ZHX3: variants seen among roughly 807,000 people sequenced by gnomAD.
ZHX3 encodes zinc fingers and homeoboxes protein 3.
A neutral mutation model predicts 64.5 loss-of-function variants in ZHX3; 20 were observed. The observed-to-expected ratio is 0.31, with a 90% CI of 0.22 to 0.45. The LOEUF (loss-of-function observed/expected upper bound fraction) is 0.45. ZHX3 is among the 20% of genes least tolerant of loss of function. The pLI, the probability that ZHX3 is intolerant of heterozygous loss-of-function variation, is 1.00. For synonymous variants in ZHX3, 423 were observed against 461.6 expected (o/e 0.92, Z 1.07); for missense variants, 1,041 against 1,195.8 (o/e 0.87, Z 1.91).
At chr20:41,267,945 GCCAC>G (rs2042943695) in intron 2 of ZHX3, among the ~76,000 whole-genome samples, 2 of 152,150 alleles carry the variant, frequency 1.3e-5, no homozygotes, top group Non-Finnish European at 2.9e-5. Context: ...GATATATAAA[GCCAC>G]TAAACAGTTT....
intron 1 of ZHX3, among the ~76,000 whole-genome samples, chr20:41,281,713 A>G (rs993350972): frequency 5.9e-5 from 9 of 152,226 alleles, no homozygotes; most frequent in African/African-American, 2.2e-4. Flanking sequence ...CGAGCACAAC[A>G]TGAGGTTAAT....
At chr20:41,286,979 G>T (rs563155307) in intron 1 of ZHX3, among the ~76,000 whole-genome samples, 59 of 152,168 alleles carry the variant, frequency 3.9e-4, no homozygotes, top group African/African-American at 1.4e-3. Flanking sequence ...ACTGTAAGTT[G>T]AGGCCTCATC....
In ZHX3 at chr20:41,278,401, A is replaced by G. The variant is rs2043499725; in HGVS notation, c.-244-9318T>C. ...AAGCTCATGTAAGCCAAAACTATCC[A>G]CTACCAAAAGATAAGCACTGTCAAC... On this transcript the variant is annotated intron_variant, in intron 1 of 3. Coordinates refer to ENST00000683867, the MANE Select transcript of ZHX3 (RefSeq NM_001384317.1). 2.9e-5 allele frequency among the ~76,000 whole-genome samples: 4 copies of G among 140,220 alleles called. 2 individuals are homozygous for G. The Admixed American group carries it at 2.9e-4, about 10-fold the overall frequency. The allele number at this position is 140,220 out of a possible 152,430, so 92.0% of individuals were successfully genotyped here.
chr20:41,303,680 C>A (rs937075916), intron 1 of ZHX3, among the ~76,000 whole-genome samples: 4 of 152,168 alleles, frequency 2.6e-5, no homozygotes, highest in Admixed American at 6.5e-5. Context: ...TGTGCATGCC[C>A]CTCCATCCAC....
rs1433552862 is a variant in ZHX3, at chr20:41,232,181, G to A, written c.-150-27115C>T. ...GCCTAGGCAAGAGAAAAGGCCGAAGGGTGACTTAATAACCATCTTCAATCA... is the reference window on the plus strand; with the variant it reads ...GCCTAGGCAAGAGAAAAGGCCGAAGAGTGACTTAATAACCATCTTCAATCA... On this transcript the variant is annotated intron_variant, in intron 2 of 3. Coordinates refer to ENST00000683867, the MANE Select transcript of ZHX3 (RefSeq NM_001384317.1). The surrounding 1 kb of genome is among the most constrained non-coding windows in gnomAD (Gnocchi z 5.0). Among the ~76,000 whole-genome samples, 1 of 152,022 alleles carries A rather than the reference G, an allele frequency of 6.6e-6. No individual in the cohort carries two copies. Among genetic ancestry groups the A allele is most frequent in the Non-Finnish European group, 1.5e-5 (1 of 68,018 alleles).
intron 3 of ZHX3, among the ~76,000 whole-genome samples, chr20:41,187,021 T>C (rs2036576012): frequency 6.6e-6 from 1 of 152,144 alleles, no homozygotes; most frequent in Non-Finnish European, 1.5e-5. Context: ...TTGAGTGTCA[T>C]ACATAAGAAA....
intron 2 of ZHX3, among the ~76,000 whole-genome samples, chr20:41,264,997 T>A (rs184101542): frequency 6.6e-6 from 1 of 152,138 alleles, no homozygotes; most frequent in Non-Finnish European, 1.5e-5. Flanking sequence ...AAACAAACTA[T>A]GCAGTCATTA....
chr20:41,285,902 G>A (rs1384822401), intron 1 of ZHX3, among the ~76,000 whole-genome samples: 1 of 152,200 alleles, frequency 6.6e-6, no homozygotes, highest in Non-Finnish European at 1.5e-5. Context: ...AAAAGGTTTA[G>A]CATAGTATGC....
intron 1 of ZHX3, among the ~76,000 whole-genome samples, chr20:41,282,994 C>T (rs980033562): frequency 3.9e-5 from 6 of 152,088 alleles, no homozygotes; most frequent in African/African-American, 1.4e-4. Context: ...CTGCAACCTC[C>T]GTCTCCTGGG....
chr20:41,190,163 C>A (rs1055431016), intron 3 of ZHX3, among the ~76,000 whole-genome samples: 2 of 152,170 alleles, frequency 1.3e-5, no homozygotes, highest in Non-Finnish European at 2.9e-5. Flanking sequence ...TTTTTTGAGA[C>A]AGAGTTTCGC....
chr20:41,269,346 A>T (rs1382115826), intron 1 of ZHX3: 2 of 152,210 alleles, frequency 1.3e-5, no homozygotes, highest in Non-Finnish European at 2.9e-5. Context: ...CGCTCTTTCC[A>T]CCAATGAGTT....
rs534715419 is a variant in ZHX3 at position 41,313,190 on chromosome 20, TAAGG to T, written c.-245+4315_-245+4318del. Among the ~76,000 whole-genome samples the T allele has an allele frequency of 2.4e-4, 36 of 149,810 alleles. 1 individual carries two copies. The South Asian group carries it at 6.8e-3, about 28-fold the overall frequency. ...TGAGACGGAAGGCTGAAGGGGAGAGTAAGGAAGGGTCAGGAATGAGGAATACAAA... is the reference window on the plus strand; with the variant it reads ...TGAGACGGAAGGCTGAAGGGGAGAGTAAGGGTCAGGAATGAGGAATACAAA... On this transcript the variant is annotated intron_variant, in intron 1 of 3. Transcript: ENST00000683867.
chr20:41,289,500 A>G (rs2044115811), intron 1 of ZHX3, among the ~76,000 whole-genome samples: 1 of 152,158 alleles, frequency 6.6e-6, no homozygotes, highest in Non-Finnish European at 1.5e-5. Context: ...TAGTTACATT[A>G]TTGCACTGGT....
At chr20:41,216,329 C>T (rs1016763473) in intron 2 of ZHX3, among the ~76,000 whole-genome samples, 4 of 152,002 alleles carry the variant, frequency 2.6e-5, no homozygotes, top group Admixed American at 6.5e-5. Flanking sequence ...ATTTCTCTCT[C>T]GGAAAGAAAG....
Position 41,183,972 on chromosome 20 carries a change from C to T in ZHX3, c.*1219G>A, listed in dbSNP as rs1212948374. The stretch of plus-strand genomic sequence containing the variant: ...ATAAATATAAAACTTTAAAAGCATC[C>T]TCACAAGGACCAGTGATGCCCAGCA... On this transcript the variant is annotated 3_prime_UTR_variant, in exon 4 of 4. Transcript: ENST00000683867. The surrounding 1 kb of genome is among the most constrained non-coding windows in gnomAD (Gnocchi z 5.3). The T allele has an allele frequency of 1.3e-5, 2 of 152,198 alleles. No homozygotes were observed. The highest frequency in any genetic ancestry group is 2.9e-5 in the Non-Finnish European group (2 of 68,046). 9.4% of individuals were successfully genotyped at this position (152,198 alleles called of 1,614,324 possible).
chr20:41,314,674 G>A (rs1430007068), intron 1 of ZHX3, among the ~76,000 whole-genome samples: 2 of 152,164 alleles, frequency 1.3e-5, no homozygotes, highest in East Asian at 1.9e-4. Context: ...AATCAAGACC[G>A]TAATTCTTTT....
At chr20:41,198,637 G>C (rs952633310) in intron 3 of ZHX3, among the ~76,000 whole-genome samples, 2 of 151,882 alleles carry the variant, frequency 1.3e-5, no homozygotes, top group Admixed American at 6.6e-5. Flanking sequence ...CTGTCTTCAG[G>C]TTTTGACAAT....
At chr20:41,276,261 C>CT (rs10711191) in intron 1 of ZHX3, among the ~76,000 whole-genome samples, 4 of 151,674 alleles carry the variant, frequency 2.6e-5, no homozygotes, top group African/African-American at 4.9e-5. Context: ...TTTTCTTTTT[C>CT]TTTTTTTTAA....
chr20:41,220,769 C>T (rs1348679513), intron 2 of ZHX3, among the ~76,000 whole-genome samples: 1 of 152,054 alleles, frequency 6.6e-6, no homozygotes, highest in Non-Finnish European at 1.5e-5. Context: ...TCACGGCTCT[C>T]TGCAGCCTCG....
Sources: gnomAD v4.1 joint callset for allele counts (sites outside exome capture counted in the v4.1 genomes callset) on GRCh38, gnomAD v4.1.1 for gene constraint, Gnocchi (gnomAD v3.1) non-coding constraint, MANE v1.5 for transcripts, NCBI Gene and HGNC (gene_info 2026-07-23, HGNC 2026-07-21) for gene names.